The following SVEP1 variants were observed in gnomAD, a reference collection of about 807,000 sequenced individuals.
SVEP1 encodes the protein sushi, von Willebrand factor type A, EGF and pentraxin domain-containing protein 1.
A neutral mutation model predicts 367.3 loss-of-function variants in SVEP1; 164 were observed. The ratio of observed to expected loss-of-function variants is 0.45; its 90% CI spans 0.39 to 0.51. SVEP1 has a LOEUF of 0.51. Ranked by LOEUF, SVEP1 falls within the 20% of genes least tolerant of loss-of-function variation. SVEP1 has a pLI of 0.00. For synonymous variants in SVEP1, 1,666 were observed against 1,611.6 expected (o/e 1.03, Z -0.81); for missense variants, 4,117 against 4,425.3 (o/e 0.93, Z 1.98).
chr9:110,477,272 T>C (rs1473478230), intron 13 of SVEP1, among the ~76,000 whole-genome samples: 4 of 152,202 alleles, frequency 2.6e-5, no homozygotes, highest in African/African-American at 4.8e-5. Context: ...TAGCCACTCA[T>C]GTCTTCATGT....
chr9:110,377,907 C>G (rs534294916), intron 44 of SVEP1, among the ~76,000 whole-genome samples: 1 of 136,022 alleles, frequency 7.4e-6, no homozygotes, highest in African/African-American at 2.7e-5. Context: ...CCACCATCTA[C>G]TCTCTGCTTC....
intron 3 of SVEP1, among the ~76,000 whole-genome samples, chr9:110,516,199 A>G (rs998994774): frequency 2.7e-5 from 4 of 149,740 alleles, no homozygotes; most frequent in African/African-American, 7.3e-5. Context: ...TAAAATATAA[A>G]ATAAAAATAT....
chr9:110,384,350 G>A (rs927624914), intron 43 of SVEP1, among the ~76,000 whole-genome samples: 6 of 151,858 alleles, frequency 4.0e-5, no homozygotes, highest in Admixed American at 1.3e-4. Context: ...TGTGGATTGC[G>A]CCAACTGCCT....
intron 3 of SVEP1, among the ~76,000 whole-genome samples, chr9:110,533,612 G>A (rs112606179): frequency 1.2e-4 from 13 of 108,250 alleles, no homozygotes; most frequent in African/African-American, 3.0e-4. Flanking sequence ...GTGTGTGCAC[G>A]CACACGTGTG....
intron 7 of SVEP1, among the ~76,000 whole-genome samples, chr9:110,497,467 A>C (rs1829468192): frequency 6.6e-6 from 1 of 152,220 alleles, no homozygotes; most frequent in South Asian, 2.1e-4. Flanking sequence ...AATTTAAGTT[A>C]TTTGAAGGTC....
At position 110,579,303 on chromosome 9, in the gene SVEP1, G is replaced by A; in HGVS notation, c.241C>T (p.Arg81Cys). 8.9e-6 allele frequency: 14 copies of A among 1,565,964 alleles called. No homozygotes were observed. Among genetic ancestry groups the A allele is most frequent in the Non-Finnish European group, 1.0e-5 (12 of 1,157,292 alleles). The change falls in exon 1 of 48, where the codon CGC becomes TGC. Residue 81 changes from arginine (R) to cysteine (C), a missense_variant. By Grantham distance (180) the Arg-to-Cys change is radical (BLOSUM62 -3). Around this residue, in one of 4 missense-constraint regions of SVEP1, gnomAD observed 161 missense variants for 122.4 expected, o/e 1.32. Coordinates refer to ENST00000374469, the MANE Select transcript of SVEP1 (RefSeq NM_153366.4). The surrounding 1 kb of genome is among the most constrained non-coding windows in gnomAD (Gnocchi z 5.3). ...RVRLLRELSE[R>C]LELVFLVDDS... is the part of the protein sequence containing the mutation. ...TCCACCAGGAAGACAAGCTCCAGGC[G>A]CTCGCTGAGCTCCCGCAGCAGCCGC...
Position 110,455,665 on chromosome 9 carries a change from G to A in SVEP1, c.3712C>T (p.Leu1238=). The part of the protein sequence containing the change: ...CETDIDECSP[L]PCLNNGVCKD... The stretch of plus-strand genomic sequence containing the variant: ...CAAACTCCATTGTTGAGGCAAGGCA[G>A]TGGGCTGCACTCATCGATGTCTGTT... Residue 1238 remains leucine, a synonymous_variant, in exon 22 of 48, where the codon CTG becomes TTG. Coordinates refer to ENST00000374469, the MANE Select transcript of SVEP1 (RefSeq NM_153366.4). 6.2e-7 allele frequency: 1 copy of A among 1,613,528 alleles called. No homozygotes were observed. The highest frequency in any genetic ancestry group is 8.5e-7 in the Non-Finnish European group (1 of 1,179,660).
At position 110,398,012 on chromosome 9, in the gene SVEP1, C is replaced by CA. The variant is rs1827793995; in HGVS notation, c.9822+2841dup. Reference sequence around the variant, plus strand: ...AACTACTTTAAAGTTCATATGGAACCAAAAAAGAGCTGCGTCACCAAGTCA... The same window carrying CA: ...AACTACTTTAAAGTTCATATGGAACCAAAAAAAGAGCTGCGTCACCAAGTCA... On this transcript the variant is annotated intron_variant, in intron 40 of 47. Transcript: ENST00000374469. Among the ~76,000 whole-genome samples, 2 of 134,772 alleles carry CA rather than the reference C, an allele frequency of 1.5e-5. 1 individual carries two copies. The highest frequency in any genetic ancestry group is 5.3e-5 in the African/African-American group (2 of 37,576). The allele number at this position is 134,772 out of a possible 152,430, so 88.4% of individuals were successfully genotyped here.
chr9:110,487,034 G>A (rs1015906096), intron 9 of SVEP1, among the ~76,000 whole-genome samples: 9 of 151,986 alleles, frequency 5.9e-5, no homozygotes, highest in East Asian at 3.9e-4. Flanking sequence ...TCAGCTCACC[G>A]CAACCTCTGC....
At chr9:110,389,994 A>T (rs952721841) in intron 40 of SVEP1, among the ~76,000 whole-genome samples, 1 of 123,248 alleles carries the variant, frequency 8.1e-6, no homozygotes, top group Non-Finnish European at 1.7e-5. Flanking sequence ...ATAAAAACAC[A>T]TGTGATGTAT....
chr9:110,578,900 T>G (rs180690759), intron 1 of SVEP1, 113 bp downstream of exon 1: 15 of 1,195,494 alleles, frequency 1.3e-5, no homozygotes, highest in East Asian at 2.6e-5. Flanking sequence ...GACGCTTGAC[T>G]TGGGGTGGTT....
chr9:110,446,538 G>A (rs934841851), intron 25 of SVEP1, among the ~76,000 whole-genome samples: 19 of 152,228 alleles, frequency 1.2e-4, no homozygotes, highest in Admixed American at 9.8e-4. Context: ...CCAGTCTCCT[G>A]AGAAAGTATT....
In SVEP1 at chr9:110,376,893, A is replaced by G. The variant is rs369262719; in HGVS notation, c.10504+378T>C. 3.3e-4 allele frequency: 52 copies of G among 158,592 alleles called. No individual in the cohort carries two copies. In the South Asian group the frequency reaches 0.01, roughly 31 times the overall value. 9.8% of individuals were successfully genotyped at this position (158,592 alleles called of 1,614,324 possible). ...GGTGAGCTGCAAATATTACCTGCAA[A>G]GTACATGTTTTGCAGTGGTGCACGT... is the stretch of plus-strand genomic sequence containing the variant. On this transcript the variant is annotated intron_variant, in intron 45 of 47. Transcript: ENST00000374469.
At chr9:110,476,135 AC>A (rs976003923) in intron 14 of SVEP1, 68 bp downstream of exon 14, 1 of 966,260 alleles carries the variant, frequency 1.0e-6, no homozygotes, top group Non-Finnish European at 1.6e-6. Flanking sequence ...AGTTTGCCTC[AC>A]TTTTCTGGAA....
intron 8 of SVEP1, among the ~76,000 whole-genome samples, chr9:110,490,281 G>T (rs1829347947): frequency 6.6e-6 from 1 of 151,980 alleles, no homozygotes; most frequent in African/African-American, 2.4e-5. Context: ...GATCAAATCA[G>T]TGCACTTCAG....
At position 110,429,342 on chromosome 9, in the gene SVEP1, A is replaced by ATAT; in HGVS notation, c.5616-9_5616-8insATA. ...GTATATCCTTTATTACACCTAAAGA[A>ATAT]GATAGAGGAAAATTACAGGATATAA... On this transcript the variant is annotated splice_polypyrimidine_tract_variant and intron_variant, in intron 34 of 47. Coordinates refer to ENST00000374469, the MANE Select transcript of SVEP1 (RefSeq NM_153366.4). 6.6e-7 allele frequency: 1 copy of ATAT among 1,503,986 alleles called. No individual in the cohort carries two copies. The highest frequency in any genetic ancestry group is 2.4e-5 in the Admixed American group (1 of 41,334). 93.2% of individuals were successfully genotyped at this position (1,503,986 alleles called of 1,614,324 possible). A position where few individuals can be genotyped will look rare whatever the true frequency, so the allele number is the denominator to read the frequency against.
Position 110,406,543 on chromosome 9 carries a change from C to A in SVEP1, c.9057G>T (p.Gly3019=), listed in dbSNP as rs779040731. Residue 3019 remains glycine (G), a synonymous_variant, in exon 38 of 48, where the codon GGG becomes GGT. Coordinates refer to ENST00000374469, the MANE Select transcript of SVEP1 (RefSeq NM_153366.4). ...CTGCCTTTCCACAGTCAAAATCTGTCCCATTGACAGTTCCATATTCAATTA... is the reference window on the plus strand; with the variant it reads ...CTGCCTTTCCACAGTCAAAATCTGTACCATTGACAGTTCCATATTCAATTA... ...TPVIEYGTVN[G]TDFDCGKAAR... is the part of the protein sequence containing the mutation. 11 of 1,613,510 alleles carry A rather than the reference C, an allele frequency of 6.8e-6. No individual in the cohort carries two copies. The highest frequency in any genetic ancestry group is 2.7e-5 in the African/African-American group (2 of 74,928).
intron 3 of SVEP1, among the ~76,000 whole-genome samples, chr9:110,539,395 G>A (rs1162479794): frequency 4.6e-5 from 7 of 152,098 alleles, no homozygotes; most frequent in Non-Finnish European, 1.0e-4. Context: ...ATGTGAAGGT[G>A]CCTGAACTTT....
chr9:110,579,464 G>C lies in SVEP1; in HGVS notation c.80C>G (p.Ser27Trp), dbSNP rs1235321886. The C allele has an allele frequency of 2.5e-6, 4 of 1,602,690 alleles. No individual in the cohort carries two copies. Among genetic ancestry groups the C allele is most frequent in the Admixed American group, 1.7e-5 (1 of 59,022 alleles). The change falls in exon 1 of 48, where the codon TCG (serine) becomes TGG (tryptophan). Residue 27 changes from serine (S) to tryptophan (W), a missense_variant. Ser to Trp is a radical substitution (Grantham distance 177). Transcript: ENST00000374469. This position sits in a 1 kb window ranked among gnomAD's most constrained non-coding sequence, Gnocchi z 5.3. ...GWATFQQMSP[S>W]RNFSFRLFPE... is the part of the protein sequence containing the mutation. ...GAAGAGGCGGAAGCTGAAATTGCGC[G>C]ACGGGGACATCTGCTGAAAGGTCGC...
Sources: allele counts gnomAD v4.1 joint callset (sites outside exome capture counted in the v4.1 genomes callset), GRCh38; gene constraint gnomAD v4.1.1; regional missense constraint gnomAD v4.1.1; non-coding constraint Gnocchi (gnomAD v3.1); transcripts MANE v1.5; gene names NCBI Gene and HGNC (gene_info 2026-07-23, HGNC 2026-07-21).